Variants in DPP10 observed in about 807,000 individuals in gnomAD.
The protein encoded by DPP10 is inactive dipeptidyl peptidase 10.
In DPP10, 33 loss-of-function variants were observed where a neutral mutation model predicts 120.9. That is an observed-to-expected ratio of 0.27 (90% CI 0.21 to 0.37). The LOEUF is 0.37. Among genes scored for constraint, DPP10 ranks in the 10% least tolerant of loss-of-function variants. The probability of loss-of-function intolerance (pLI) is 1.00; values close to 1 mark genes in which losing one functional copy is unlikely to be tolerated. For missense variants in DPP10, 816 were observed against 942.8 expected (o/e 0.87, Z 1.76); for synonymous variants, 337 against 326.1 (o/e 1.03, Z -0.36).
chr2:114,862,590 C>G (rs1009560353), intron 1 of DPP10, among the ~76,000 whole-genome samples: 1 of 151,906 alleles, frequency 6.6e-6, no homozygotes, highest in African/African-American at 2.4e-5. Flanking sequence ...ACATGAGGAG[C>G]AGACAGAAAA....
chr2:115,011,215 A>C (rs1303035448), intron 1 of DPP10, among the ~76,000 whole-genome samples: 10 of 152,184 alleles, frequency 6.6e-5, no homozygotes, highest in Admixed American at 6.5e-4. Context: ...TATCTTGGTA[A>C]ACGCTTTGGG....
intron 1 of DPP10, among the ~76,000 whole-genome samples, chr2:114,719,601 A>G (rs1169603248): frequency 6.6e-6 from 1 of 152,236 alleles, no homozygotes; most frequent in East Asian, 1.9e-4. Context: ...CCAGGTAAAC[A>G]GTATTTTGAA....
chr2:115,615,792 T>C (rs2084450382), intron 5 of DPP10, among the ~76,000 whole-genome samples: 1 of 152,128 alleles, frequency 6.6e-6, no homozygotes, highest in Non-Finnish European at 1.5e-5. Context: ...CCTGGAATCC[T>C]ATTTCTTTTT....
intron 1 of DPP10, among the ~76,000 whole-genome samples, chr2:115,223,404 G>C (rs558932127): frequency 6.6e-6 from 1 of 152,096 alleles, no homozygotes; most frequent in Non-Finnish European, 1.5e-5. Flanking sequence ...GCTTTGGCAA[G>C]TAATTTAAAT....
intron 16 of DPP10, 106 bp from the exon 17 acceptor site, chr2:115,782,246 C>G (rs886407692): frequency 2.2e-6 from 2 of 914,582 alleles, no homozygotes; most frequent in Non-Finnish European, 3.4e-6. Flanking sequence ...TATGTTTTAA[C>G]CACGAAGTGC....
At chr2:115,108,490 C>T (rs1490962419) in intron 1 of DPP10, among the ~76,000 whole-genome samples, 4 of 152,160 alleles carry the variant, frequency 2.6e-5, no homozygotes, top group Non-Finnish European at 5.9e-5. Flanking sequence ...AACTCAGTCT[C>T]AGTTAAATGC....
Position 114,686,003 on chromosome 2 carries a change from T to A in DPP10, c.60+243165T>A, listed in dbSNP as rs557820481. On this transcript the variant is annotated intron_variant, in intron 1 of 25. Transcript: ENST00000410059. ...ATTACAGCTGGCTCTACCAGTACAC[T>A]GTATTTTCTTCCCTGAGTGCTACTT... 3.3e-5 allele frequency among the ~76,000 whole-genome samples: 5 copies of A among 152,070 alleles called. No homozygotes were observed. The East Asian group carries it at 9.7e-4, about 30-fold the overall frequency.
chr2:115,116,164 C>T (rs1197290147), intron 1 of DPP10, among the ~76,000 whole-genome samples: 1 of 152,012 alleles, frequency 6.6e-6, no homozygotes, highest in African/African-American at 2.4e-5. Context: ...TTCCCAAAGA[C>T]ACTTACACAG....
intron 1 of DPP10, among the ~76,000 whole-genome samples, chr2:115,282,497 T>C (rs1023439357): frequency 2.6e-5 from 4 of 152,120 alleles, no homozygotes; most frequent in African/African-American, 7.2e-5. Context: ...AGTAGAGATA[T>C]ACTTCTTACA....
intron 1 of DPP10, among the ~76,000 whole-genome samples, chr2:114,627,951 G>A (rs1334332143): frequency 6.6e-6 from 1 of 152,074 alleles, no homozygotes; most frequent in East Asian, 1.9e-4. Context: ...GTGTGAAATG[G>A]GGTACTTTCA....
intron 2 of DPP10, among the ~76,000 whole-genome samples, chr2:115,327,445 T>C (rs989983665): frequency 6.6e-6 from 1 of 152,060 alleles, no homozygotes; most frequent in Non-Finnish European, 1.5e-5. Context: ...AGATGGAGAA[T>C]ATCAGTTTTC....
chr2:114,942,390 T>C (rs7424283), intron 1 of DPP10, among the ~76,000 whole-genome samples: 16,296 of 51,132 alleles, frequency 0.32, 1,372 homozygotes, highest in Middle Eastern at 0.53. Flanking sequence ...TATATATATA[T>C]ACACACACAC....
chr2:115,277,989 C>T (rs2059988821), intron 1 of DPP10, among the ~76,000 whole-genome samples: 1 of 152,180 alleles, frequency 6.6e-6, no homozygotes, highest in Non-Finnish European at 1.5e-5. Flanking sequence ...CTGATTCACA[C>T]TTACAAATGG....
intron 9 of DPP10, 44 bp downstream of exon 9, chr2:115,739,937 C>T (rs1048988555): frequency 6.3e-7 from 1 of 1,593,308 alleles, no homozygotes; most frequent in Non-Finnish European, 8.6e-7. Flanking sequence ...TCTCTCTCTG[C>T]ACTAGTGACT....
intron 1 of DPP10, among the ~76,000 whole-genome samples, chr2:114,532,296 T>TAC (rs56653562): frequency 0.013 from 938 of 74,364 alleles, 19 homozygotes; most frequent in African/African-American, 0.031. Context: ...TATATATATA[T>TAC]ACACACACAC....
intron 9 of DPP10, among the ~76,000 whole-genome samples, chr2:115,743,004 T>G (rs1260372101): frequency 6.6e-6 from 1 of 151,754 alleles, no homozygotes; most frequent in Non-Finnish European, 1.5e-5. Flanking sequence ...TTAATCTTTG[T>G]AATTAAAACA....
At chr2:115,601,428 G>A (rs1036387134) in intron 5 of DPP10, among the ~76,000 whole-genome samples, 1 of 152,104 alleles carries the variant, frequency 6.6e-6, no homozygotes, top group African/African-American at 2.4e-5. Context: ...TAAAAGCTAT[G>A]CCTTTTTCAC....
chr2:115,788,073 T>C (rs1437483326), intron 17 of DPP10, among the ~76,000 whole-genome samples: 2 of 152,288 alleles, frequency 1.3e-5, no homozygotes, highest in Non-Finnish European at 2.9e-5. Context: ...TCAAACTTGC[T>C]CTTCTAAATA....
At chr2:115,601,158 A>T (rs1210709614) in intron 5 of DPP10, among the ~76,000 whole-genome samples, 1 of 152,204 alleles carries the variant, frequency 6.6e-6, no homozygotes. Flanking sequence ...ACTATAGCGG[A>T]TAGTCATTGT....
Sources: allele counts gnomAD v4.1 joint callset (sites outside exome capture counted in the v4.1 genomes callset), GRCh38; gene constraint gnomAD v4.1.1; transcripts MANE v1.5; gene names NCBI Gene and HGNC (gene_info 2026-07-23, HGNC 2026-07-21).